C10orf67: variants seen among roughly 807,000 people sequenced by gnomAD.
C10orf67 encodes the protein chromosome 10 open reading frame 67, also known as uncharacterized protein C10orf67, mitochondrial.
C10orf67 carries 60 observed loss-of-function variants against 35.6 expected under a neutral mutation model. That is an observed-to-expected ratio of 1.68 (90% CI 1.37 to 2.09). C10orf67 has a LOEUF of 2.09. C10orf67 is among the 30% of genes most tolerant of loss of function. C10orf67 has a pLI of 0.00. For synonymous variants in C10orf67, 167 were observed against 115.8 expected (o/e 1.44, Z -2.84); for missense variants, 474 against 330.2 (o/e 1.44, Z -3.38).
chr10:23,321,175 T>C (rs1844941568), intron 3 of C10orf67, among the ~76,000 whole-genome samples: 1 of 152,204 alleles, frequency 6.6e-6, no homozygotes, highest in Non-Finnish European at 1.5e-5. Flanking sequence ...TTGAATGGAA[T>C]ATGCTCATGA....
intron 15 of C10orf67, among the ~76,000 whole-genome samples, chr10:23,209,677 T>C (rs1841255258): frequency 6.6e-6 from 1 of 152,106 alleles, no homozygotes; most frequent in Non-Finnish European, 1.5e-5. Context: ...TTTTTATTTG[T>C]CAAGTATATC....
chr10:23,224,811 G>C (rs1841691096), intron 13 of C10orf67, among the ~76,000 whole-genome samples: 1 of 152,102 alleles, frequency 6.6e-6, no homozygotes, highest in Non-Finnish European at 1.5e-5. Context: ...AATGAAGCGA[G>C]AAGTTTAGAG....
intron 1 of C10orf67, among the ~76,000 whole-genome samples, chr10:23,340,630 T>C (rs1845850266): frequency 6.6e-6 from 1 of 152,206 alleles, no homozygotes; most frequent in African/African-American, 2.4e-5. Context: ...ATTCAGAATC[T>C]AACTGAATGA....
At chr10:23,317,382 G>T (rs1438845661) in intron 4 of C10orf67, 1 of 152,266 alleles carries the variant, frequency 6.6e-6, no homozygotes, top group Non-Finnish European at 1.5e-5. Flanking sequence ...GGATGCCTGG[G>T]TCTGCAGCCA....
In C10orf67 at chr10:23,230,511, A is replaced by T. The variant is rs539668539; in HGVS notation, c.1435-6693T>A. 1.4e-4 allele frequency among the ~76,000 whole-genome samples: 22 copies of T among 152,320 alleles called. No individual in the cohort carries two copies. In the South Asian group the frequency reaches 4.6e-3, roughly 32 times the overall value. ...TATTTATTACAAAAGCCAGAAAAAG[A>T]TTAAAAACTTAATCCACAAACTGAA... On this transcript the variant is annotated intron_variant, in intron 13 of 15. Transcript: ENST00000636213.
Position 23,322,458 on chromosome 10 carries a change from T to G in C10orf67, c.407A>C (p.Glu136Ala). 1.2e-6 allele frequency: 2 copies of G among 1,609,446 alleles called. No individual in the cohort carries two copies. The highest frequency in any genetic ancestry group is 1.7e-6 in the Non-Finnish European group (2 of 1,175,768). ...CAGAATGGTGAAGAGACTCAAAGAT[T>G]CCTCTTTCAGTCGGTCCTCAAACTT... ...QLKFEDRLKEESLSLFTILHD... is the reference protein window; with the variant it reads ...QLKFEDRLKEASLSLFTILHD... Residue 136 changes from glutamate (E) to alanine (A), a missense_variant, in exon 3 of 16, where the codon GAA becomes GCA. Physicochemically the swap from Glu to Ala is moderately radical, Grantham distance 107. Transcript: ENST00000636213.
chr10:23,318,997 T>TC, intron 4 of C10orf67: 4 of 718,798 alleles, frequency 5.6e-6, no homozygotes, highest in South Asian at 4.4e-5. Context: ...GAGAACCCTT[T>TC]TTTTTCTTTC....
chr10:23,215,297 C>CTT (rs1054869688), intron 15 of C10orf67, among the ~76,000 whole-genome samples: 15 of 143,682 alleles, frequency 1.0e-4, no homozygotes, highest in African/African-American at 3.5e-4. Context: ...GAAGAGATAT[C>CTT]TTTTTTTTTT....
At chr10:23,324,198 C>T (rs918558696) in intron 2 of C10orf67, among the ~76,000 whole-genome samples, 5 of 151,488 alleles carry the variant, frequency 3.3e-5, no homozygotes, top group African/African-American at 1.2e-4. Context: ...ACTAACTCCT[C>T]TTCTTCCCTT....
intron 4 of C10orf67, among the ~76,000 whole-genome samples, chr10:23,307,326 C>T (rs1844325723): frequency 6.6e-6 from 1 of 152,040 alleles, no homozygotes; most frequent in Non-Finnish European, 1.5e-5. Flanking sequence ...ATACAACATA[C>T]AGGAAATATA....
At chr10:23,316,214 C>A (rs1311481216) in intron 4 of C10orf67, among the ~76,000 whole-genome samples, 1 of 152,218 alleles carries the variant, frequency 6.6e-6, no homozygotes, top group Non-Finnish European at 1.5e-5. Context: ...GCTAGGCATG[C>A]CAGCTGCAGC....
chr10:23,239,606 C>T, intron 13 of C10orf67, 123 bp downstream of exon 13: 1 of 474,386 alleles, frequency 2.1e-6, no homozygotes, highest in Non-Finnish European at 4.0e-6. Flanking sequence ...CTAGCAGTGA[C>T]TGCCTTGTAC....
chr10:23,317,361 C>T (rs1455138972), intron 4 of C10orf67: 2 of 152,282 alleles, frequency 1.3e-5, no homozygotes, highest in Non-Finnish European at 2.9e-5. Context: ...CCTAGGCCCC[C>T]AAGAGCACAG....
In C10orf67 at chr10:23,344,614, C is replaced by T. The variant is rs1403123235; in HGVS notation, c.161G>A (p.Arg54Gln). The T allele has an allele frequency of 6.3e-7, 1 of 1,583,102 alleles. No homozygotes were observed. The highest frequency in any genetic ancestry group is 8.6e-7 in the Non-Finnish European group (1 of 1,165,406). ...ELRVCCARRK[R>Q]EAREFKPPQM... ...CGGGGGCTTGAATTCCCGAGCTTCTCGCTTCCTACGCGCGCAGCAGACCCG... is the reference window on the plus strand; with the variant it reads ...CGGGGGCTTGAATTCCCGAGCTTCTTGCTTCCTACGCGCGCAGCAGACCCG... Residue 54 changes from arginine to glutamine, a missense_variant, in exon 1 of 16, where the codon CGA becomes CAA. Transcript: ENST00000636213.
rs555094827 is a variant in C10orf67, at chr10:23,267,376, A to G, written c.976-122T>C. The stretch of plus-strand genomic sequence containing the variant: ...TTTAAACCATTTGTCTCCCAAAACG[A>G]TTATGGGATAAAAGTTATAGTATCA... On this transcript the variant is annotated intron_variant, in intron 8 of 15. Coordinates refer to ENST00000636213, the MANE Select transcript of C10orf67 (RefSeq NM_001371909.1). The G allele has an allele frequency of 8.6e-5, 47 of 544,558 alleles. No homozygotes were observed. The Admixed American group carries it at 1.2e-3, about 14-fold the overall frequency. The allele number at this position is 544,558 out of a possible 1,614,324, so 33.7% of individuals were successfully genotyped here.
chr10:23,204,297 C>A, intron 15 of C10orf67, 42 bp from the exon 16 acceptor site: 1 of 583,992 alleles, frequency 1.7e-6, no homozygotes. Flanking sequence ...CTTTGTTTTA[C>A]TTATCATACA....
chr10:23,290,255 G>T (rs989586483), intron 6 of C10orf67, among the ~76,000 whole-genome samples: 1 of 152,196 alleles, frequency 6.6e-6, no homozygotes, highest in African/African-American at 2.4e-5. Context: ...CCAATACAAA[G>T]AGCTTTAGCA....
intron 13 of C10orf67, among the ~76,000 whole-genome samples, chr10:23,229,689 T>C (rs190289388): frequency 7.8e-4 from 118 of 152,190 alleles, no homozygotes; most frequent in Non-Finnish European, 1.3e-3. Context: ...AAATTACATG[T>C]GGCAAAAACT....
At chr10:23,323,776 G>A (rs1241361238) in intron 2 of C10orf67, among the ~76,000 whole-genome samples, 1 of 148,744 alleles carries the variant, frequency 6.7e-6, no homozygotes, top group Non-Finnish European at 1.5e-5. Context: ...GCCAAGTGTG[G>A]CAGTGCGCCC....
Sources: gnomAD v4.1 joint callset for allele counts (sites outside exome capture counted in the v4.1 genomes callset) on GRCh38, gnomAD v4.1.1 for gene constraint, MANE v1.5 for transcripts, NCBI Gene and HGNC (gene_info 2026-07-23, HGNC 2026-07-21) for gene names.